Variants in LMNTD1 observed in about 807,000 individuals in gnomAD.
LMNTD1 encodes lamin tail domain-containing protein 1.
In LMNTD1, 35 loss-of-function variants were observed where a neutral mutation model predicts 50.9. The observed-to-expected ratio is 0.69, with a 90% CI of 0.53 to 0.91. The LOEUF (loss-of-function observed/expected upper bound fraction) is 0.91, where lower values mean the gene tolerates loss of function less well. Ranked by LOEUF, LMNTD1 falls within the 40% of genes least tolerant of loss-of-function variation. The probability of loss-of-function intolerance (pLI) is 0.00; values close to 1 mark genes in which losing one functional copy is unlikely to be tolerated. For synonymous variants in LMNTD1, 153 were observed against 161.9 expected, an observed-to-expected ratio of 0.94 and a Z score of 0.42; for missense variants, 470 against 475.5, an observed-to-expected ratio of 0.99 and a Z score of 0.11.
chr12:25,630,547 C>T (rs12303940), intron 1 of LMNTD1: 2,853 of 152,394 alleles, frequency 0.019, 94 homozygotes, highest in African/African-American at 0.065. Context: ...CACACACCCC[C>T]GCTGGAGAAA....
At chr12:25,541,965 G>GA (rs1943111754) in intron 4 of LMNTD1, among the ~76,000 whole-genome samples, 1 of 152,136 alleles carries the variant, frequency 6.6e-6, no homozygotes, top group African/African-American at 2.4e-5. Context: ...ACAGACACAC[G>GA]AAAAAATGCT....
intron 4 of LMNTD1, among the ~76,000 whole-genome samples, chr12:25,542,731 T>C (rs1279260531): frequency 9.3e-6 from 1 of 108,018 alleles, no homozygotes; most frequent in Non-Finnish European, 2.0e-5. Flanking sequence ...TAAAAATAAA[T>C]AAATTAAATA....
chr12:25,534,124 T>C (rs1942408440), intron 4 of LMNTD1, among the ~76,000 whole-genome samples: 4 of 152,218 alleles, frequency 2.6e-5, no homozygotes, highest in Non-Finnish European at 2.9e-5. Flanking sequence ...CTCTACTTTG[T>C]TTCCTGTTTG....
chr12:25,592,151 C>G (rs1031604768), intron 1 of LMNTD1, among the ~76,000 whole-genome samples: 2 of 152,152 alleles, frequency 1.3e-5, no homozygotes, highest in African/African-American at 2.4e-5. Context: ...TGAAGAATAT[C>G]TACAAGGATC....
intron 4 of LMNTD1, among the ~76,000 whole-genome samples, chr12:25,539,248 C>T (rs575516740): frequency 0.031 from 4,644 of 149,548 alleles, 178 homozygotes; most frequent in African/African-American, 0.093. Flanking sequence ...CAGAACTCTC[C>T]ACCCCAAATC....
At chr12:25,646,744 T>A (rs1482669141) in intron 1 of LMNTD1, among the ~76,000 whole-genome samples, 2 of 152,180 alleles carry the variant, frequency 1.3e-5, no homozygotes, top group Non-Finnish European at 2.9e-5. Flanking sequence ...TGCCAGTGTT[T>A]AAAAATATAA....
intron 8 of LMNTD1, among the ~76,000 whole-genome samples, chr12:25,513,069 A>T (rs1415665625): frequency 6.6e-6 from 1 of 152,178 alleles, no homozygotes; most frequent in East Asian, 1.9e-4. Flanking sequence ...ACTGAATAAA[A>T]TTCCTAACCG....
chr12:25,575,069 G>A (rs759746528), intron 1 of LMNTD1, among the ~76,000 whole-genome samples: 4 of 152,064 alleles, frequency 2.6e-5, no homozygotes, highest in Admixed American at 6.6e-5. Context: ...TGTCCCTGGT[G>A]AACTTCTTCA....
At chr12:25,489,886 T>C (rs1268209429) in intron 9 of LMNTD1, among the ~76,000 whole-genome samples, 1 of 152,236 alleles carries the variant, frequency 6.6e-6, no homozygotes, top group Non-Finnish European at 1.5e-5. Flanking sequence ...TATAAATTTA[T>C]TGGTTTCACT....
intron 1 of LMNTD1, among the ~76,000 whole-genome samples, chr12:25,615,420 G>A (rs1946333542): frequency 6.6e-6 from 1 of 152,122 alleles, no homozygotes; most frequent in African/African-American, 2.4e-5. Flanking sequence ...GTTCAGAAGA[G>A]AGCCATATAG....
At chr12:25,505,460 C>T (rs898111539) in intron 8 of LMNTD1, among the ~76,000 whole-genome samples, 9 of 152,006 alleles carry the variant, frequency 5.9e-5, no homozygotes, top group East Asian at 1.9e-4. Context: ...ATTAAAGAAA[C>T]GTTTATTTCA....
intron 1 of LMNTD1, among the ~76,000 whole-genome samples, chr12:25,578,996 GAA>G (rs1945155610): frequency 6.6e-6 from 1 of 152,146 alleles, no homozygotes. Context: ...TTAGACAAAT[GAA>G]AACATGGTGG....
chr12:25,494,186 C>A (rs1446371326), intron 9 of LMNTD1, among the ~76,000 whole-genome samples: 1 of 152,198 alleles, frequency 6.6e-6, no homozygotes, highest in Non-Finnish European at 1.5e-5. Context: ...TAATATAAAA[C>A]ACAATGTGCT....
intron 1 of LMNTD1, among the ~76,000 whole-genome samples, chr12:25,583,076 C>T (rs1042104214): frequency 7.3e-5 from 11 of 150,594 alleles, no homozygotes; most frequent in African/African-American, 2.7e-4. Context: ...TGCAGTGGTG[C>T]TATCTCGGTA....
rs897235553 is a variant in LMNTD1 at position 25,620,615 on chromosome 12, A to C, written c.58+27879T>G. On this transcript the variant is annotated intron_variant, in intron 1 of 7. Transcript: ENST00000445693. ...CCACGTGTCTATGATCCAGGTATAC[A>C]TGAGTTTCTCACAGAGCAGGGCCAG... Among the ~76,000 whole-genome samples the C allele has an allele frequency of 2.6e-4, 39 of 152,284 alleles. 1 individual carries two copies. Among genetic ancestry groups the C allele is most frequent in the African/African-American group, 7.9e-4 (33 of 41,554 alleles).
At chr12:25,570,222 A>T (rs970585943) in intron 1 of LMNTD1, among the ~76,000 whole-genome samples, 1 of 152,228 alleles carries the variant, frequency 6.6e-6, no homozygotes, top group African/African-American at 2.4e-5. Flanking sequence ...TATTATTTAG[A>T]TGAAACTATA....
At chr12:25,604,898 T>C (rs1946061104) in intron 1 of LMNTD1, among the ~76,000 whole-genome samples, 1 of 152,322 alleles carries the variant, frequency 6.6e-6, no homozygotes, top group African/African-American at 2.4e-5. Context: ...GTATTTCTAG[T>C]TCCAGATCCC....
chr12:25,520,315 C>T (rs1386098861), intron 6 of LMNTD1, among the ~76,000 whole-genome samples: 2 of 151,932 alleles, frequency 1.3e-5, no homozygotes, highest in African/African-American at 4.8e-5. Flanking sequence ...ATATTGTACA[C>T]TAGATCCCTA....
chr12:25,541,199 C>T (rs1186900780), intron 4 of LMNTD1, among the ~76,000 whole-genome samples: 1 of 78,892 alleles, frequency 1.3e-5, no homozygotes, highest in Non-Finnish European at 3.2e-5. Context: ...CTACCAATGC[C>T]TTTCTTCACA....
Sources: gnomAD v4.1 joint callset for allele counts (sites outside exome capture counted in the v4.1 genomes callset) on GRCh38, gnomAD v4.1.1 for gene constraint, MANE v1.5 for transcripts, NCBI Gene and HGNC (gene_info 2026-07-23, HGNC 2026-07-21) for gene names.